NBPF10: variants seen among roughly 807,000 people sequenced by gnomAD.
The protein encoded by NBPF10 is NBPF family member NBPF10.
NBPF10 carries 63 observed loss-of-function variants against 77.9 expected under a neutral mutation model. The ratio of observed to expected loss-of-function variants is 0.81; its 90% CI spans 0.66 to 1.00. The LOEUF (loss-of-function observed/expected upper bound fraction) is 1.00. NBPF10 is among the 50% of genes least tolerant of loss of function. The probability of loss-of-function intolerance (pLI) is 0.00; values close to 1 mark genes in which losing one functional copy is unlikely to be tolerated. For synonymous variants in NBPF10, 146 were observed against 264.5 expected (o/e 0.55, Z 4.35); for missense variants, 522 against 679.8 (o/e 0.77, Z 2.58).
intron 8 of NBPF10, among the ~76,000 whole-genome samples, chr1:146,134,535 T>A (rs1659507922): frequency 3.0e-5 from 3 of 101,396 alleles, no homozygotes; most frequent in African/African-American, 1.4e-4. Context: ...GCAGCCTCTC[T>A]CTGGACGTTG....
intron 88 of NBPF10, among the ~76,000 whole-genome samples, chr1:146,067,783 C>A (rs587601538): frequency 6.6e-6 from 1 of 151,768 alleles, no homozygotes; most frequent in East Asian, 2.0e-4. Context: ...CAGGGCGCCA[C>A]AGGTATGGCC....
At chr1:146,067,834 G>T (rs1289635000) in intron 88 of NBPF10, among the ~76,000 whole-genome samples, 169 bp downstream of exon 88, 1 of 151,902 alleles carries the variant, frequency 6.6e-6, no homozygotes, top group Non-Finnish European at 1.5e-5. Flanking sequence ...ACCATTTCAT[G>T]TCTAGGCTTC....
At chr1:146,076,250 C>CACACAA (rs1656031519) in intron 77 of NBPF10, among the ~76,000 whole-genome samples, 2 of 8,740 alleles carry the variant, frequency 2.3e-4, no homozygotes, top group Non-Finnish European at 8.0e-4. Context: ...CACACACACA[C>CACACAA]ACACACACAC....
At chr1:146,125,829 G>T (rs1174589924) in intron 14 of NBPF10, among the ~76,000 whole-genome samples, 1 of 149,730 alleles carries the variant, frequency 6.7e-6, no homozygotes, top group Non-Finnish European at 1.5e-5. Flanking sequence ...GTTGCTAGGA[G>T]AAAAACTGCA....
In NBPF10 at chr1:146,067,050, C is replaced by T. The variant is rs1327748588; in HGVS notation, c.11144+130G>A. 1.6e-4 allele frequency: 85 copies of T among 538,892 alleles called. 1 individual carries two copies. The highest frequency in any genetic ancestry group is 2.8e-4 in the Non-Finnish European group (82 of 295,762). The allele number at this position is 538,892 out of a possible 1,614,324, so 33.4% of individuals were successfully genotyped here. ...CCTAAACATCTACTGCAATGAAAAC[C>T]AACAGCAATGACAGTAGGAGTAATT... On this transcript the variant is annotated intron_variant, in intron 89 of 89. Coordinates refer to ENST00000583866, the Ensembl canonical transcript of NBPF10.
At chr1:146,134,347 T>G (rs1553794088) in intron 8 of NBPF10, 82 bp from the exon 9 acceptor site, 1 of 1,177,022 alleles carries the variant, frequency 8.5e-7, no homozygotes, top group Non-Finnish European at 1.2e-6. Flanking sequence ...AACAGAGACA[T>G]GAACATCTAG....
Position 146,141,738 on chromosome 1 carries a change from G to A in NBPF10, c.359C>T (p.Ser120Phe), listed in dbSNP as rs781915352. ...CTGGAGATGCTCATACAATGAGCGG[G>A]AGGCATCTCTCCCTTCCCGTAACTT... is the stretch of plus-strand genomic sequence containing the variant. The change falls in exon 3 of 90, where the codon TCC (serine) becomes TTC (phenylalanine). Residue 120 changes from serine to phenylalanine, a missense_variant. This residue lies in a region of NBPF10 where 71 missense variants were observed against 114.9 expected (regional missense o/e 0.62). Transcript: ENST00000583866. 5.3e-6 allele frequency: 7 copies of A among 1,321,200 alleles called. 1 individual carries two copies. The African/African-American group carries it at 5.6e-5, about 11-fold the overall frequency. The allele number at this position is 1,321,200 out of a possible 1,614,324, so 81.8% of individuals were successfully genotyped here. A position where few individuals can be genotyped will look rare whatever the true frequency, so the allele number is the denominator to read the frequency against.
chr1:146,136,690 A>G (rs1208147492), intron 6 of NBPF10, among the ~76,000 whole-genome samples: 2 of 144,186 alleles, frequency 1.4e-5, no homozygotes, highest in South Asian at 2.2e-4. Flanking sequence ...AGTTGACAAG[A>G]TGATTCAACC....
intron 5 of NBPF10, among the ~76,000 whole-genome samples, chr1:146,139,193 G>C (rs1162874426): frequency 4.1e-5 from 6 of 146,814 alleles, no homozygotes; most frequent in African/African-American, 1.5e-4. Context: ...TCCGGTTCCT[G>C]GGTTCATGCC....
At chr1:146,125,054 G>C (rs1350715389) in intron 15 of NBPF10, among the ~76,000 whole-genome samples, 194 bp from the exon 16 acceptor site, 3 of 72,542 alleles carry the variant, frequency 4.1e-5, no homozygotes, top group Admixed American at 1.6e-4. Flanking sequence ...GAAAGACAGG[G>C]AGAGGGAGAG....
chr1:146,138,951 T>C (rs1347674625), intron 5 of NBPF10, among the ~76,000 whole-genome samples: 1 of 139,298 alleles, frequency 7.2e-6, no homozygotes, highest in Non-Finnish European at 1.6e-5. Context: ...TGCCAGCTAA[T>C]TTTTGTATTT....
intron 6 of NBPF10, among the ~76,000 whole-genome samples, chr1:146,137,579 T>C (rs11583672): frequency 6.8e-4 from 68 of 100,052 alleles, no homozygotes; most frequent in Non-Finnish European, 9.7e-4. Flanking sequence ...TTAGTGGAGA[T>C]GGGGTTTCTC....
chr1:146,067,886 A>G (rs1382935690), intron 88 of NBPF10, 117 bp downstream of exon 88: 4 of 698,458 alleles, frequency 5.7e-6, no homozygotes, highest in African/African-American at 3.6e-5. Flanking sequence ...ATGCGCCCAT[A>G]GGTCCTGCCT....
intron 11 of NBPF10, among the ~76,000 whole-genome samples, chr1:146,129,443 G>GA (rs1178391578): frequency 1.4e-5 from 2 of 141,484 alleles, no homozygotes; most frequent in African/African-American, 5.5e-5. Context: ...GAAGTTTAGA[G>GA]AAAAAAGAGT....
Position 146,126,412 on chromosome 1 carries a change from G to C in NBPF10, c.1854-4C>G, listed in dbSNP as rs1194386422. Reference sequence around the variant, plus strand: ...ATCCAGCAGCTCCCTGCTGAGCGTGGAAAAGTAGGAAAAAGTAAAGAATAA... The same window carrying C: ...ATCCAGCAGCTCCCTGCTGAGCGTGCAAAAGTAGGAAAAAGTAAAGAATAA... On this transcript the variant is annotated splice_region_variant and splice_polypyrimidine_tract_variant and intron_variant, in intron 13 of 89. Coordinates refer to ENST00000583866, the Ensembl canonical transcript of NBPF10. The C allele has an allele frequency of 2.3e-5, 27 of 1,181,410 alleles. 2 individuals are homozygous for C. Among genetic ancestry groups the C allele is most frequent in the Non-Finnish European group, 3.4e-5 (27 of 793,170 alleles). The allele number at this position is 1,181,410 out of a possible 1,614,324, so 73.2% of individuals were successfully genotyped here.
At chr1:146,126,750 T>G (rs372692313) in intron 13 of NBPF10, among the ~76,000 whole-genome samples, 1 of 143,162 alleles carries the variant, frequency 7.0e-6, no homozygotes, top group Admixed American at 7.2e-5. Flanking sequence ...ATGTCCTCAA[T>G]AATTTTGCAT....
At chr1:146,125,956 A>G (rs1245842190) in intron 14 of NBPF10, among the ~76,000 whole-genome samples, 5 of 151,626 alleles carry the variant, frequency 3.3e-5, no homozygotes, top group Admixed American at 1.3e-4. Flanking sequence ...ACAAAATCAG[A>G]GTTGTGTGAA....
In NBPF10 at chr1:146,126,273, C is replaced by T. The variant is rs587596492; in HGVS notation, c.1989G>A (p.Leu663=). ...TAGCCAAGCCAACACGCTGTTGCTC[C>T]AATATGTAAAAGGCACTTCTGTAGG... The change falls in exon 14 of 90, where the codon TTG becomes TTA. Residue 663 remains leucine (L), a synonymous_variant. Transcript: ENST00000583866. 6.2e-6 allele frequency: 10 copies of T among 1,608,134 alleles called. No homozygotes were observed. In the East Asian group the frequency reaches 1.3e-4, roughly 22 times the overall value.
At chr1:146,126,445 G>A (rs1553790036) in intron 13 of NBPF10, 37 bp from the exon 14 acceptor site, 1 of 889,716 alleles carries the variant, frequency 1.1e-6, no homozygotes, top group Non-Finnish European at 1.9e-6. Flanking sequence ...TAAGCCAGGG[G>A]GAATCAGAAA....
Sources: gnomAD v4.1 joint callset for allele counts (sites outside exome capture counted in the v4.1 genomes callset) on GRCh38, gnomAD v4.1.1 for gene constraint, gnomAD v4.1.1 regional missense constraint, MANE v1.5 for transcripts, NCBI Gene and HGNC (gene_info 2026-07-23, HGNC 2026-07-21) for gene names.